Variants in MED27 observed in about 807,000 individuals in gnomAD.
MED27 encodes the protein mediator complex subunit 27, also known as mediator of RNA polymerase II transcription subunit 27.
MED27 carries 30 observed loss-of-function variants against 38.2 expected under a neutral mutation model. That is an observed-to-expected ratio of 0.79 (90% CI 0.59 to 1.07). The LOEUF (loss-of-function observed/expected upper bound fraction) is 1.07. MED27 is among the 50% of genes least tolerant of loss of function. MED27 has a pLI of 0.00. For synonymous variants in MED27, 122 were observed against 153.5 expected, an observed-to-expected ratio of 0.79 and a Z score of 1.52; for missense variants, 289 against 397.5, an observed-to-expected ratio of 0.73 and a Z score of 2.32.
At chr9:132,068,778 T>A (rs1833866258) in intron 2 of MED27, among the ~76,000 whole-genome samples, 1 of 152,116 alleles carries the variant, frequency 6.6e-6, no homozygotes, top group African/African-American at 2.4e-5. Flanking sequence ...GCTGTCCAGC[T>A]GGGCCCTTTG....
At chr9:132,061,592 A>AAAT (rs1354897986) in intron 2 of MED27, among the ~76,000 whole-genome samples, 3 of 152,252 alleles carry the variant, frequency 2.0e-5, no homozygotes, top group African/African-American at 7.2e-5. Flanking sequence ...CCTTGTTTAC[A>AAAT]AATCACTCCT....
At chr9:132,078,348 T>C (rs1262472172) in intron 1 of MED27, among the ~76,000 whole-genome samples, 1 of 152,184 alleles carries the variant, frequency 6.6e-6, no homozygotes, top group Admixed American at 6.5e-5. Context: ...AAAAGGATAA[T>C]GTCAGCACTC....
At chr9:132,050,116 A>T (rs1205638136) in intron 2 of MED27, among the ~76,000 whole-genome samples, 1 of 152,194 alleles carries the variant, frequency 6.6e-6, no homozygotes, top group Non-Finnish European at 1.5e-5. Context: ...AAATCAGGAA[A>T]TAAGGGTTCC....
At chr9:132,064,707 T>C (rs940002783) in intron 2 of MED27, among the ~76,000 whole-genome samples, 23 of 152,184 alleles carry the variant, frequency 1.5e-4, no homozygotes, top group Non-Finnish European at 2.5e-4. Context: ...AAATGCACCA[T>C]ACTATAAAAA....
intron 2 of MED27, among the ~76,000 whole-genome samples, chr9:132,017,756 A>G (rs1273625232): frequency 6.6e-6 from 1 of 151,942 alleles, no homozygotes; most frequent in East Asian, 1.9e-4. Flanking sequence ...TCCACTTTCT[A>G]TTTTCTATGA....
intron 2 of MED27, among the ~76,000 whole-genome samples, chr9:132,041,254 T>C (rs62581894): frequency 0.063 from 9,615 of 151,940 alleles, 433 homozygotes; most frequent in Non-Finnish European, 0.095. Context: ...GGGTCCAAAG[T>C]GGGAGAGTAG....
chr9:132,037,412 A>G (rs1333853141), intron 2 of MED27, among the ~76,000 whole-genome samples: 1 of 152,200 alleles, frequency 6.6e-6, no homozygotes, highest in East Asian at 1.9e-4. Context: ...CCTAGGTACT[A>G]GTTCATTCAG....
At chr9:132,025,899 T>C (rs1374426998) in intron 2 of MED27, among the ~76,000 whole-genome samples, 1 of 152,128 alleles carries the variant, frequency 6.6e-6, no homozygotes, top group African/African-American at 2.4e-5. Flanking sequence ...AGTGACTGTG[T>C]CAATAACTGG....
chr9:132,010,267 A>C (rs1412697551), intron 3 of MED27, among the ~76,000 whole-genome samples: 5 of 152,260 alleles, frequency 3.3e-5, no homozygotes, highest in East Asian at 3.8e-4. Flanking sequence ...CGCAGCCAAC[A>C]GACACATGAA....
intron 2 of MED27, among the ~76,000 whole-genome samples, chr9:132,039,524 CATCCCG>C (rs1833160837): frequency 6.6e-6 from 1 of 152,208 alleles, no homozygotes; most frequent in Admixed American, 6.5e-5. Flanking sequence ...GTACTGACTC[CATCCCG>C]AGGTACTGAG....
At chr9:131,925,418 A>C (rs1195873611) in intron 4 of MED27, among the ~76,000 whole-genome samples, 1 of 152,198 alleles carries the variant, frequency 6.6e-6, no homozygotes, top group Non-Finnish European at 1.5e-5. Context: ...TTATTTTAAA[A>C]TGTAAGAGCA....
chr9:131,909,356 A>G (rs890343111), intron 4 of MED27, among the ~76,000 whole-genome samples: 2 of 152,194 alleles, frequency 1.3e-5, no homozygotes, highest in African/African-American at 4.8e-5. Flanking sequence ...TTTTCAAGGT[A>G]GCCTGAGTGA....
At chr9:131,918,127 A>C (rs762246148) in intron 4 of MED27, among the ~76,000 whole-genome samples, 2 of 152,252 alleles carry the variant, frequency 1.3e-5, no homozygotes, top group African/African-American at 2.4e-5. Context: ...TGCTAGGGAT[A>C]GAGGAATATG....
At chr9:131,971,331 C>T (rs374528370) in intron 3 of MED27, among the ~76,000 whole-genome samples, 17 of 152,148 alleles carry the variant, frequency 1.1e-4, no homozygotes, top group South Asian at 4.1e-4. Context: ...GGAGATTTCC[C>T]GGAACAGCGA....
rs368780578 is a variant in MED27 at position 132,045,356 on chromosome 9, T to C, written c.349-30889A>G. Among the ~76,000 whole-genome samples, 368 of 152,096 alleles carry C rather than the reference T, an allele frequency of 2.4e-3. 2 individuals carry two copies. The highest frequency in any genetic ancestry group is 0.014 in the South Asian group (67 of 4,806). Reference sequence around the variant, plus strand: ...ATGTATGGTGTACATACATATGATTTGTATGTATATTGTTGAATGAAAGAA... The same window carrying C: ...ATGTATGGTGTACATACATATGATTCGTATGTATATTGTTGAATGAAAGAA... On this transcript the variant is annotated intron_variant, in intron 2 of 7. Coordinates refer to ENST00000292035, the MANE Select transcript of MED27 (RefSeq NM_004269.4).
intron 3 of MED27, among the ~76,000 whole-genome samples, chr9:131,967,273 C>T (rs1478926827): frequency 2.6e-5 from 4 of 152,152 alleles, no homozygotes; most frequent in African/African-American, 4.8e-5. Flanking sequence ...GTACAATTTT[C>T]GGAACTGTAC....
chr9:131,884,429 T>C (rs1409054474), intron 5 of MED27, among the ~76,000 whole-genome samples: 2 of 152,152 alleles, frequency 1.3e-5, no homozygotes, highest in African/African-American at 4.8e-5. Context: ...CCAAGGTCAA[T>C]GCTGCCTCAG....
In MED27 at chr9:131,867,339, T is replaced by C. The variant is rs114849593; in HGVS notation, c.724-4199A>G. Among the ~76,000 whole-genome samples the C allele has an allele frequency of 2.6e-3, 392 of 152,284 alleles. 1 individual carries two copies. The highest frequency in any genetic ancestry group is 9.0e-3 in the African/African-American group (375 of 41,538). On this transcript the variant is annotated intron_variant, in intron 6 of 7. Transcript: ENST00000292035. ...TTGGACTTGCCCTCTGTGGTAGAAG[T>C]TACCAGCGGTCACTCATCCTTGAGT...
rs12350364 is a variant in MED27 at position 131,956,731 on chromosome 9, T to C, written c.480-17257A>G. On this transcript the variant is annotated intron_variant, in intron 3 of 7. Transcript: ENST00000292035. Reference sequence around the variant, plus strand: ...ATTTTTTAAAAATCAATCCATGCCATGTAACTTACCATATTAAAATAAAGG... The same window carrying C: ...ATTTTTTAAAAATCAATCCATGCCACGTAACTTACCATATTAAAATAAAGG... 3.5e-3 allele frequency among the ~76,000 whole-genome samples: 529 copies of C among 151,746 alleles called. 3 individuals are homozygous for C. Among genetic ancestry groups the C allele is most frequent in the African/African-American group, 0.012 (508 of 41,358 alleles).
Sources: allele counts gnomAD v4.1 joint callset (sites outside exome capture counted in the v4.1 genomes callset), GRCh38; gene constraint gnomAD v4.1.1; transcripts MANE v1.5; gene names NCBI Gene and HGNC (gene_info 2026-07-23, HGNC 2026-07-21).